Variants in DCAF6 observed in about 807,000 individuals in gnomAD.
DCAF6 encodes the protein DDB1- and CUL4-associated factor 6.
DCAF6 carries 54 observed loss-of-function variants against 125.1 expected under a neutral mutation model. The observed-to-expected ratio is 0.43, with a 90% confidence interval of 0.35 to 0.54. The LOEUF is 0.54. Among genes scored for constraint, DCAF6 ranks in the 20% least tolerant of loss-of-function variants. The pLI, the probability that DCAF6 is intolerant of heterozygous loss-of-function variation, is 0.01. For missense variants in DCAF6, 934 were observed against 1,161.7 expected (o/e 0.80, Z 2.85); for synonymous variants, 371 against 390.4 (o/e 0.95, Z 0.58).
chr1:167,930,568 C>T, the DCAF6 span, among the ~76,000 whole-genome samples: 1 of 152,070 alleles, frequency 6.6e-6, no homozygotes, highest in Non-Finnish European at 1.5e-5. Context: ...AAGAGAATAC[C>T]AAATTATAGA....
chr1:167,944,610 A>AG (rs1672774320), intron 1 of DCAF6, among the ~76,000 whole-genome samples: 1 of 152,158 alleles, frequency 6.6e-6, no homozygotes, highest in Admixed American at 6.5e-5. Flanking sequence ...CTTTTGAAAA[A>AG]TGTCTATTCA....
intron 21 of DCAF6, among the ~76,000 whole-genome samples, chr1:168,069,979 G>C (rs1692826015): frequency 2.0e-5 from 3 of 152,076 alleles, no homozygotes; most frequent in African/African-American, 7.2e-5. Context: ...CCTAAAATGT[G>C]CTTACTCTTA....
chr1:167,992,507 A>C (rs890743161), intron 6 of DCAF6, among the ~76,000 whole-genome samples: 1 of 152,198 alleles, frequency 6.6e-6, no homozygotes, highest in South Asian at 2.1e-4. Flanking sequence ...GGATATGTAC[A>C]TTTAGGGGAA....
Position 168,004,831 on chromosome 1 carries a change from T to A in DCAF6, c.1378+38T>A, listed in dbSNP as rs1217446688. ...ATGCTGTGGTTCATCTAATGATTTT[T>A]GATAGTGAAAATTTCTTTACTGGCT... On this transcript the variant is annotated intron_variant, in intron 10 of 21. Coordinates refer to ENST00000367840, the MANE Select transcript of DCAF6 (RefSeq NM_001198956.2). 3 of 1,586,256 alleles carry A rather than the reference T, an allele frequency of 1.9e-6. No individual in the cohort carries two copies. In the South Asian group the frequency reaches 3.4e-5, roughly 18 times the overall value.
chr1:167,893,970 C>G, the DCAF6 span: 40 of 1,564,588 alleles, frequency 2.6e-5, no homozygotes, highest in Non-Finnish European at 3.3e-5. Flanking sequence ...GGTGCAGGCT[C>G]AGAGAGGGAA....
rs1211242476 is a variant in DCAF6, at chr1:167,937,132, T to C, written c.97+124T>C. 7 of 786,946 alleles carry C rather than the reference T, an allele frequency of 8.9e-6. No homozygotes were observed. The East Asian group carries it at 1.4e-4, about 15-fold the overall frequency. The allele number at this position is 786,946 out of a possible 1,614,324, so 48.7% of individuals were successfully genotyped here. On this transcript the variant is annotated intron_variant, in intron 1 of 21. Coordinates refer to ENST00000367840, the MANE Select transcript of DCAF6 (RefSeq NM_001198956.2). ...GGGGGCGCCCGGAGACTCTGGGGTG[T>C]TGGGTGGGGCCTTGGTTGCCGAATT... is the stretch of plus-strand genomic sequence containing the variant.
In DCAF6 at chr1:167,954,482, T is replaced by A. The variant is rs527291951; in HGVS notation, c.159+2621T>A. On this transcript the variant is annotated intron_variant, in intron 2 of 21. Transcript: ENST00000367840. ...TTTTTTATTTTTTTGAGATGGAGTC[T>A]CGCTGTGCCACCCAGGCTGGAGTGC... Among the ~76,000 whole-genome samples the A allele has an allele frequency of 7.9e-5, 12 of 152,192 alleles. No individual in the cohort carries two copies. The East Asian group carries it at 2.3e-3, about 29-fold the overall frequency.
chr1:167,912,968 T>G, the DCAF6 span, among the ~76,000 whole-genome samples: 1 of 152,354 alleles, frequency 6.6e-6, no homozygotes, highest in Admixed American at 6.5e-5. Flanking sequence ...TTCTACTATA[T>G]CATGCTATAT....
chr1:168,019,040 ACT>A (rs1685335257), intron 11 of DCAF6, among the ~76,000 whole-genome samples: 1 of 150,992 alleles, frequency 6.6e-6, no homozygotes, highest in Non-Finnish European at 1.5e-5. Context: ...ATGATAATGT[ACT>A]CTCTCTTTTT....
intron 4 of DCAF6, among the ~76,000 whole-genome samples, chr1:167,978,096 C>A (rs1273842904): frequency 3.3e-5 from 5 of 152,002 alleles, no homozygotes; most frequent in Non-Finnish European, 7.4e-5. Flanking sequence ...ATAATTTGCC[C>A]ATTTTATTAC....
At chr1:167,904,083 T>C in the DCAF6 span, 26 of 101,244 alleles carry the variant, frequency 2.6e-4, no homozygotes, top group African/African-American at 3.6e-4. Flanking sequence ...GGGCCTCAGC[T>C]TTTTTTTTTT....
intron 14 of DCAF6, among the ~76,000 whole-genome samples, chr1:168,043,729 A>G (rs1688826819): frequency 6.6e-6 from 1 of 152,188 alleles, no homozygotes; most frequent in African/African-American, 2.4e-5. Context: ...TTAGTATAAC[A>G]GAGTTTAAAA....
the DCAF6 span, among the ~76,000 whole-genome samples, chr1:167,873,095 C>T: frequency 0.022 from 3,339 of 151,964 alleles, 96 homozygotes; most frequent in African/African-American, 0.069. Context: ...GAAATATCCA[C>T]ATAATGTGTT....
chr1:167,880,528 C>A, the DCAF6 span: 2 of 1,614,024 alleles, frequency 1.2e-6, no homozygotes, highest in African/African-American at 2.7e-5. Flanking sequence ...TCAAATATAT[C>A]CATAGCACAT....
intron 10 of DCAF6, among the ~76,000 whole-genome samples, chr1:168,010,134 T>A (rs1344319449): frequency 6.6e-6 from 1 of 152,172 alleles, no homozygotes; most frequent in African/African-American, 2.4e-5. Context: ...GTCTAACCAT[T>A]TATCATTTTG....
chr1:167,897,450 T>A, the DCAF6 span, among the ~76,000 whole-genome samples: 2 of 149,292 alleles, frequency 1.3e-5, no homozygotes, highest in Non-Finnish European at 3.0e-5. Context: ...TGAGCTGAGA[T>A]CATGCCACCT....
Position 167,944,485 on chromosome 1 carries a change from T to C in DCAF6, c.98-7315T>C, listed in dbSNP as rs575448243. Among the ~76,000 whole-genome samples, 3 of 152,332 alleles carry C rather than the reference T, an allele frequency of 2.0e-5. No individual in the cohort carries two copies. In the South Asian group the frequency reaches 6.2e-4, roughly 32 times the overall value. The stretch of plus-strand genomic sequence containing the variant: ...ACATGATAACCAACATTGTCTGTCT[T>C]TTTAATAAAAGACATTCTGACTAGG... On this transcript the variant is annotated intron_variant, in intron 1 of 21. Coordinates refer to ENST00000367840, the MANE Select transcript of DCAF6 (RefSeq NM_001198956.2).
chr1:167,936,087 G>A, upstream of DCAF6: 1 of 568,786 alleles, frequency 1.8e-6, no homozygotes, highest in Non-Finnish European at 3.2e-6. Flanking sequence ...CCCCCGGCAG[G>A]AGAGAGGGAG....
chr1:167,955,019 T>C (rs967077835), intron 2 of DCAF6, among the ~76,000 whole-genome samples: 6 of 152,240 alleles, frequency 3.9e-5, no homozygotes, highest in Admixed American at 3.9e-4. Context: ...AATCATTGAC[T>C]ATGTATCCTT....
Sources: allele counts gnomAD v4.1 joint callset (sites outside exome capture counted in the v4.1 genomes callset), GRCh38; gene constraint gnomAD v4.1.1; transcripts MANE v1.5; gene names NCBI Gene and HGNC (gene_info 2026-07-23, HGNC 2026-07-21).